Variants in CACNA1C observed in about 807,000 individuals in gnomAD.
The protein encoded by CACNA1C is calcium voltage-gated channel subunit alpha1 C.
Under a neutral mutation model 229.0 loss-of-function variants are expected in CACNA1C, and 30 were observed. The observed-to-expected ratio is 0.13, with a 90% CI of 0.10 to 0.18. The LOEUF (loss-of-function observed/expected upper bound fraction) is 0.18. CACNA1C is among the 10% of genes least tolerant of loss of function. The pLI is 1.00. For missense variants in CACNA1C, 1,658 were observed against 2,845.0 expected (o/e 0.58, Z 9.49); for synonymous variants, 1,114 against 1,132.5 (o/e 0.98, Z 0.33).
Position 2,668,985 on chromosome 12 carries a change from A to G in CACNA1C, c.4676A>G (p.Asn1559Ser). 1 of 1,614,190 alleles carries G rather than the reference A, an allele frequency of 6.2e-7. No homozygotes were observed. The highest frequency in any genetic ancestry group is 8.5e-7 in the Non-Finnish European group (1 of 1,180,016). The change falls in exon 38 of 47, where the codon AAT becomes AGT. Residue 1559 changes from asparagine to serine, a missense_variant. By Grantham distance (46) the Asn-to-Ser change is conservative (BLOSUM62 1). This residue lies in a region of CACNA1C where 151 missense variants were observed against 344.4 expected (regional missense o/e 0.44). Coordinates refer to ENST00000399655, the MANE Select transcript of CACNA1C (RefSeq NM_000719.7). ...AACAGCGACGGGACAGTCATGTTCA[A>G]TGCCACCCTGTTTGCCCTGGTCAGG... ...PLNSDGTVMF[N>S]ATLFALVRTA...
chr12:2,240,025 T>C (rs995728530), intron 3 of CACNA1C, among the ~76,000 whole-genome samples: 2 of 152,264 alleles, frequency 1.3e-5, no homozygotes, highest in African/African-American at 4.8e-5. Flanking sequence ...CAAACTGCTT[T>C]ATTACTCATA....
intron 3 of CACNA1C, among the ~76,000 whole-genome samples, chr12:2,265,940 C>T (rs571236989): frequency 3.3e-5 from 5 of 152,256 alleles, no homozygotes; most frequent in African/African-American, 1.2e-4. Flanking sequence ...TCTCTGCCCC[C>T]CTGCGCTCCA....
intron 1 of CACNA1C, among the ~76,000 whole-genome samples, chr12:1,981,920 A>C (rs762472716): frequency 6.6e-6 from 1 of 152,194 alleles, no homozygotes; most frequent in Admixed American, 6.5e-5. Flanking sequence ...GGGAAAGTGT[A>C]TATGTAGTTG....
chr12:2,403,941 T>C lies in CACNA1C; in HGVS notation c.478-45035T>C, dbSNP rs1595375218. ...TTAATGATTCTCACCCTTGAAAGTG[T>C]GTACAGAAATCCTCTAGTCAGAATG... On this transcript the variant is annotated intron_variant, in intron 3 of 46. Transcript: ENST00000399655. The surrounding 1 kb of genome is among the most constrained non-coding windows in gnomAD (Gnocchi z 4.1). Among the ~76,000 whole-genome samples, 1 of 152,314 alleles carries C rather than the reference T, an allele frequency of 6.6e-6. No homozygotes were observed. Among genetic ancestry groups the C allele is most frequent in the East Asian group, 1.9e-4 (1 of 5,172 alleles).
intron 9 of CACNA1C, among the ~76,000 whole-genome samples, chr12:2,540,913 T>C (rs1479308377): frequency 6.6e-6 from 1 of 152,064 alleles, no homozygotes; most frequent in African/African-American, 2.4e-5. Flanking sequence ...ATTTTATCAG[T>C]CTAGAGGCTG....
chr12:2,596,582 C>T (rs1049382354), intron 20 of CACNA1C, among the ~76,000 whole-genome samples: 19 of 152,240 alleles, frequency 1.2e-4, no homozygotes, highest in African/African-American at 4.3e-4. Flanking sequence ...CCATGCCAAA[C>T]CACTCTGCGC....
intron 7 of CACNA1C, among the ~76,000 whole-genome samples, chr12:2,496,969 C>T (rs897533667): frequency 3.9e-5 from 6 of 152,184 alleles, no homozygotes. Flanking sequence ...AAGCGCTGGC[C>T]TTCTTCAGAG....
At chr12:2,349,617 G>A (rs965329644) in intron 3 of CACNA1C, among the ~76,000 whole-genome samples, 1 of 152,082 alleles carries the variant, frequency 6.6e-6, no homozygotes, top group Non-Finnish European at 1.5e-5. Flanking sequence ...GAAAGGTGGT[G>A]TCTGGACTCA....
At chr12:2,423,727 T>C (rs923752321) in intron 3 of CACNA1C, among the ~76,000 whole-genome samples, 1 of 152,198 alleles carries the variant, frequency 6.6e-6, no homozygotes, top group Non-Finnish European at 1.5e-5. Context: ...CAGAATTTAC[T>C]GCGCTGTGTC....
At chr12:2,637,649 G>A (rs980625654) in intron 30 of CACNA1C, among the ~76,000 whole-genome samples, 2 of 152,252 alleles carry the variant, frequency 1.3e-5, no homozygotes, top group African/African-American at 4.8e-5. Context: ...TGCCTCCAGG[G>A]CATTAGCAGC....
At chr12:2,571,558 T>C (rs1199730296) in intron 13 of CACNA1C, among the ~76,000 whole-genome samples, 3 of 152,222 alleles carry the variant, frequency 2.0e-5, no homozygotes, top group African/African-American at 7.2e-5. Context: ...TAATCACCAA[T>C]TTATTTCTAA....
intron 5 of CACNA1C, among the ~76,000 whole-genome samples, chr12:2,475,294 A>G (rs11062240): frequency 0.36 from 54,063 of 151,172 alleles, 11,517 homozygotes; most frequent in African/African-American, 0.6. Flanking sequence ...GTGAGACTCC[A>G]TCTCAAAAAA....
intron 9 of CACNA1C, among the ~76,000 whole-genome samples, chr12:2,528,567 T>C (rs1261574993): frequency 6.6e-6 from 1 of 152,228 alleles, no homozygotes; most frequent in African/African-American, 2.4e-5. Context: ...AACTGCCATG[T>C]TACCAGGCCA....
chr12:2,153,498 A>G (rs1011054139), intron 3 of CACNA1C, among the ~76,000 whole-genome samples: 1 of 152,182 alleles, frequency 6.6e-6, no homozygotes, highest in Admixed American at 6.5e-5. Context: ...AGCCCCTGGC[A>G]CCCACCATTC....
chr12:2,140,656 G>A (rs1399456444), intron 3 of CACNA1C, among the ~76,000 whole-genome samples: 2 of 151,364 alleles, frequency 1.3e-5, no homozygotes, highest in South Asian at 2.1e-4. Flanking sequence ...TGCATCTGTG[G>A]TCTTTTGCCT....
At chr12:2,298,488 A>T (rs1372714702) in intron 3 of CACNA1C, among the ~76,000 whole-genome samples, 1 of 152,148 alleles carries the variant, frequency 6.6e-6, no homozygotes, top group Non-Finnish European at 1.5e-5. Flanking sequence ...TAGTAGAGAC[A>T]GGATTTTACC....
chr12:2,081,419 A>C (rs896888647), intron 1 of CACNA1C, among the ~76,000 whole-genome samples: 11 of 152,104 alleles, frequency 7.2e-5, no homozygotes, highest in Middle Eastern at 3.2e-3. Flanking sequence ...AAAATACAAA[A>C]AATTAGCCGA....
At chr12:2,531,530 C>T (rs1258575575) in intron 9 of CACNA1C, among the ~76,000 whole-genome samples, 4 of 152,230 alleles carry the variant, frequency 2.6e-5, no homozygotes, top group Non-Finnish European at 5.9e-5. Context: ...CCCTGTCTTT[C>T]TCTTGGAGTT....
chr12:2,372,392 C>T (rs1012541052), intron 3 of CACNA1C, among the ~76,000 whole-genome samples: 3 of 152,178 alleles, frequency 2.0e-5, no homozygotes, highest in East Asian at 3.9e-4. Flanking sequence ...GAGTCTGTTG[C>T]CATGACGCTG....
Sources: allele counts gnomAD v4.1 joint callset (sites outside exome capture counted in the v4.1 genomes callset), GRCh38; gene constraint gnomAD v4.1.1; regional missense constraint gnomAD v4.1.1; non-coding constraint Gnocchi (gnomAD v3.1); transcripts MANE v1.5; gene names NCBI Gene and HGNC (gene_info 2026-07-23, HGNC 2026-07-21).